The following TTBK2 variants were observed in gnomAD, a reference collection of about 807,000 sequenced individuals.
The protein encoded by TTBK2 is tau-tubulin kinase 2.
TTBK2 carries 28 observed loss-of-function variants against 110.8 expected under a neutral mutation model. That is an observed-to-expected ratio of 0.25 (90% confidence interval 0.19 to 0.35). The LOEUF (loss-of-function observed/expected upper bound fraction) is 0.35. Among genes scored for constraint, TTBK2 ranks in the 10% least tolerant of loss-of-function variants. The pLI is 1.00. For missense variants in TTBK2, 1,369 were observed against 1,500.3 expected, an observed-to-expected ratio of 0.91 and a Z score of 1.45; for synonymous variants, 532 against 527.3, an observed-to-expected ratio of 1.01 and a Z score of -0.12.
intron 14 of TTBK2, among the ~76,000 whole-genome samples, chr15:42,747,069 A>G (rs1198241915): frequency 2.0e-5 from 3 of 151,724 alleles, no homozygotes; most frequent in East Asian, 1.9e-4. Context: ...GGCTCATGCA[A>G]TCCTCCCACC....
At chr15:42,900,419 T>C (rs996658622) in intron 1 of TTBK2, among the ~76,000 whole-genome samples, 1 of 152,168 alleles carries the variant, frequency 6.6e-6, no homozygotes, top group Non-Finnish European at 1.5e-5. Flanking sequence ...ATTTACCAAC[T>C]ATTAACAGTA....
Position 42,794,659 on chromosome 15 carries a change from G to A in TTBK2, c.965C>T (p.Thr322Ile). ...TAGGACATACCCAATTGCAGCAGGG[G>A]TCAAGCGAGTGTGCAACTGAGGGGT... ...STTPQLHTRL[T>I]PAAIGIANAT... is the part of the protein sequence containing the mutation. The change falls in exon 10 of 15, where the codon ACC (threonine) becomes ATC (isoleucine). Residue 322 changes from threonine (T) to isoleucine (I), a missense_variant. Around this residue, in one of 4 missense-constraint regions of TTBK2, gnomAD observed 1,097 missense variants for 1,114.7 expected, o/e 0.98. Transcript: ENST00000267890. 1 of 1,614,160 alleles carries A rather than the reference G, an allele frequency of 6.2e-7. No homozygotes were observed. Among genetic ancestry groups the A allele is most frequent in the Non-Finnish European group, 8.5e-7 (1 of 1,180,040 alleles).
At chr15:42,873,673 T>A (rs1283151745) in intron 2 of TTBK2, among the ~76,000 whole-genome samples, 1 of 152,200 alleles carries the variant, frequency 6.6e-6, no homozygotes. Context: ...CTGGGGAATA[T>A]CAGGATGCTG....
At chr15:42,878,031 AG>A (rs962059099) in intron 2 of TTBK2, among the ~76,000 whole-genome samples, 6 of 149,172 alleles carry the variant, frequency 4.0e-5, no homozygotes, top group African/African-American at 1.2e-4. Flanking sequence ...AAAAAAAAAA[AG>A]AGAGAGCAGC....
chr15:42,850,497 G>C (rs1466168419), intron 3 of TTBK2, among the ~76,000 whole-genome samples: 1 of 152,144 alleles, frequency 6.6e-6, no homozygotes, highest in East Asian at 1.9e-4. Context: ...TTTTGCCCAG[G>C]TTTTTAGCTG....
chr15:42,879,750 A>G (rs1158574654), intron 1 of TTBK2, among the ~76,000 whole-genome samples: 1 of 152,070 alleles, frequency 6.6e-6, no homozygotes, highest in African/African-American at 2.4e-5. Context: ...TAATCCCAGC[A>G]TCTTGGGAGG....
At chr15:42,817,212 C>A in intron 6 of TTBK2, 115 bp from the exon 7 acceptor site, 1 of 575,274 alleles carries the variant, frequency 1.7e-6, no homozygotes, top group Non-Finnish European at 2.6e-6. Flanking sequence ...CAATAAAACA[C>A]TATTTAATTT....
chr15:42,752,073 GA>G lies in TTBK2; in HGVS notation c.3172del (p.Ser1058HisfsTer31). ...ATTGACCTGATCTGTGTTGACCCAT[GA>G]AACTGGCCTTGGAATTTTGCTCTTT... is the stretch of plus-strand genomic sequence containing the variant. The part of the protein sequence containing the change: ...SRKSKIPRPV[S>X]WVNTDQVNSS... On this transcript the variant is annotated frameshift_variant, in exon 14 of 15. Coordinates refer to ENST00000267890, the MANE Select transcript of TTBK2 (RefSeq NM_173500.4). LOFTEE classifies it high-confidence loss of function. 1 of 1,614,222 alleles carries G rather than the reference GA, an allele frequency of 6.2e-7. No homozygotes were observed. The highest frequency in any genetic ancestry group is 8.5e-7 in the Non-Finnish European group (1 of 1,180,046).
At chr15:42,881,533 T>C (rs1305350476) in intron 1 of TTBK2, among the ~76,000 whole-genome samples, 2 of 151,368 alleles carry the variant, frequency 1.3e-5, no homozygotes, top group Non-Finnish European at 2.9e-5. Flanking sequence ...TAGAAATGAA[T>C]AGAAAGATAT....
chr15:42,773,730 T>TA (rs1404290331), intron 13 of TTBK2, among the ~76,000 whole-genome samples: 1 of 152,040 alleles, frequency 6.6e-6, no homozygotes, highest in African/African-American at 2.4e-5. Flanking sequence ...ATAATAGAGT[T>TA]AAAGAACAAA....
intron 11 of TTBK2, among the ~76,000 whole-genome samples, chr15:42,782,482 C>T (rs12915116): frequency 0.13 from 19,658 of 152,234 alleles, 1,762 homozygotes; most frequent in South Asian, 0.22. Flanking sequence ...ATGTTTTGCA[C>T]AATGTTCTGT....
intron 6 of TTBK2, among the ~76,000 whole-genome samples, chr15:42,826,025 T>C (rs546655278): frequency 6.6e-6 from 1 of 152,210 alleles, no homozygotes; most frequent in South Asian, 2.1e-4. Context: ...AATATATATA[T>C]ATATAGCAAG....
At position 42,897,823 on chromosome 15, in the gene TTBK2, T is replaced by TACACAC. The variant is rs60880098; in HGVS notation, c.-67-19145_-67-19140dup. Among the ~76,000 whole-genome samples, 168 of 140,760 alleles carry TACACAC rather than the reference T, an allele frequency of 1.2e-3. 1 individual carries two copies. The highest frequency in any genetic ancestry group is 7.2e-3 in the Middle Eastern group (2 of 276). The allele number at this position is 140,760 out of a possible 152,430, so 92.3% of individuals were successfully genotyped here. On this transcript the variant is annotated intron_variant, in intron 1 of 14. Transcript: ENST00000267890. ...AAAACTGAACTTATACCAGTAGTGG[T>TACACAC]ACACACACACACACACACACACACA...
intron 3 of TTBK2, among the ~76,000 whole-genome samples, chr15:42,847,286 T>C (rs1396480680): frequency 6.6e-6 from 1 of 152,236 alleles, no homozygotes; most frequent in Admixed American, 6.5e-5. Flanking sequence ...GTTTGTTTTC[T>C]TATTGTTGAG....
At position 42,818,697 on chromosome 15, in the gene TTBK2, G is replaced by T. The variant is rs983970988; in HGVS notation, c.538-1600C>A. 2.7e-4 allele frequency among the ~76,000 whole-genome samples: 41 copies of T among 152,160 alleles called. No individual in the cohort carries two copies. In the East Asian group the frequency reaches 4.1e-3, roughly 15 times the overall value. On this transcript the variant is annotated intron_variant, in intron 6 of 14. Transcript: ENST00000267890. Reference sequence around the variant, plus strand: ...ATCGCGCCACTGCACTCCAGCCGGGGCGACAGAACGAGACTCCGTCTCAAA... The same window carrying T: ...ATCGCGCCACTGCACTCCAGCCGGGTCGACAGAACGAGACTCCGTCTCAAA...
chr15:42,850,692 C>T (rs1893662084), intron 3 of TTBK2, among the ~76,000 whole-genome samples: 1 of 151,944 alleles, frequency 6.6e-6, no homozygotes, highest in African/African-American at 2.4e-5. Flanking sequence ...AGGGAAAAAG[C>T]AAGTTAGTAG....
chr15:42,770,151 T>C (rs149261319), intron 13 of TTBK2, among the ~76,000 whole-genome samples: 85 of 152,046 alleles, frequency 5.6e-4, no homozygotes, highest in Non-Finnish European at 8.1e-4. Flanking sequence ...ATGTAAATGA[T>C]GAGTTGATGG....
At chr15:42,775,004 C>A in intron 13 of TTBK2, 131 bp downstream of exon 13, 2 of 898,226 alleles carry the variant, frequency 2.2e-6, no homozygotes, top group Non-Finnish European at 3.5e-6. Context: ...GAACTTAGTA[C>A]AAAATCACTC....
At chr15:42,858,559 C>T (rs914676083) in intron 3 of TTBK2, among the ~76,000 whole-genome samples, 4 of 152,126 alleles carry the variant, frequency 2.6e-5, no homozygotes, top group Non-Finnish European at 5.9e-5. Flanking sequence ...GACTTCATTT[C>T]CAGTTCCACA....
Sources: gnomAD v4.1 joint callset for allele counts (sites outside exome capture counted in the v4.1 genomes callset) on GRCh38, gnomAD v4.1.1 for gene constraint, gnomAD v4.1.1 regional missense constraint, MANE v1.5 for transcripts, NCBI Gene and HGNC (gene_info 2026-07-23, HGNC 2026-07-21) for gene names.